Variants in CPNE4 observed in about 807,000 individuals in gnomAD.
CPNE4 encodes copine 4.
CPNE4 carries 25 observed loss-of-function variants against 67.9 expected under a neutral mutation model. The ratio of observed to expected loss-of-function variants is 0.37; its 90% CI spans 0.27 to 0.51. The LOEUF (loss-of-function observed/expected upper bound fraction) is 0.51, where lower values mean the gene tolerates loss of function less well. Ranked by LOEUF, CPNE4 falls within the 20% of genes least tolerant of loss-of-function variation. The pLI is 0.93. For missense variants in CPNE4, 464 were observed against 690.8 expected (o/e 0.67, Z 3.68); for synonymous variants, 242 against 244.9 (o/e 0.99, Z 0.11).
At chr3:131,942,254 A>G (rs1050819684) in intron 1 of CPNE4, among the ~76,000 whole-genome samples, 27 of 151,996 alleles carry the variant, frequency 1.8e-4, no homozygotes, top group South Asian at 2.1e-4. Flanking sequence ...AAAATGTGTA[A>G]TTTATAATTT....
chr3:131,959,431 C>T (rs963648231), intron 1 of CPNE4, among the ~76,000 whole-genome samples: 11 of 152,114 alleles, frequency 7.2e-5, no homozygotes, highest in Non-Finnish European at 1.5e-4. Context: ...GTGTAGAGTA[C>T]AGTTCAAACA....
chr3:131,805,846 G>A (rs111273245), intron 2 of CPNE4, among the ~76,000 whole-genome samples: 1,603 of 152,274 alleles, frequency 0.011, 24 homozygotes, highest in African/African-American at 0.037. Context: ...ATATGCCCAA[G>A]TCCAGGAAAA....
chr3:131,711,147 G>T (rs1216505277), intron 3 of CPNE4, among the ~76,000 whole-genome samples: 1 of 152,174 alleles, frequency 6.6e-6, no homozygotes, highest in Non-Finnish European at 1.5e-5. Context: ...GTGTAAACCG[G>T]ACAGGCAGGG....
chr3:131,542,415 C>T (rs1421034742), intron 15 of CPNE4, 142 bp downstream of exon 15: 3 of 695,002 alleles, frequency 4.3e-6, no homozygotes, highest in Non-Finnish European at 7.7e-6. Flanking sequence ...CAGGTCATCT[C>T]CCACAGCAAG....
intron 7 of CPNE4, among the ~76,000 whole-genome samples, chr3:131,625,580 T>C (rs1285816149): frequency 6.6e-6 from 1 of 152,152 alleles, no homozygotes; most frequent in African/African-American, 2.4e-5. Flanking sequence ...AAAAAAAATC[T>C]CTTCCAAAAA....
At chr3:131,667,117 C>T (rs1204444328) in intron 7 of CPNE4, among the ~76,000 whole-genome samples, 1 of 152,110 alleles carries the variant, frequency 6.6e-6, no homozygotes, top group African/African-American at 2.4e-5. Flanking sequence ...CACAGTGTGA[C>T]TTTCATTGGC....
chr3:131,826,553 G>A (rs2085167196), intron 2 of CPNE4, among the ~76,000 whole-genome samples: 1 of 152,158 alleles, frequency 6.6e-6, no homozygotes, highest in East Asian at 1.9e-4. Flanking sequence ...TTCACAGACA[G>A]CCCAAGTTGT....
intron 1 of CPNE4, among the ~76,000 whole-genome samples, chr3:132,009,605 T>TGTCA (rs1277675892): frequency 6.6e-6 from 1 of 152,128 alleles, no homozygotes; most frequent in African/African-American, 2.4e-5. Context: ...CACTCCAGGA[T>TGTCA]GTCAGTCAGG....
At chr3:131,888,768 G>T (rs545564428) in intron 2 of CPNE4, among the ~76,000 whole-genome samples, 40 of 152,252 alleles carry the variant, frequency 2.6e-4, no homozygotes, top group South Asian at 1.0e-3. Flanking sequence ...TGCAGAGAGT[G>T]GAGGGGATAA....
intron 7 of CPNE4, among the ~76,000 whole-genome samples, chr3:131,601,482 TAGTC>T (rs1469803089): frequency 1.3e-5 from 2 of 152,102 alleles, no homozygotes; most frequent in African/African-American, 4.8e-5. Flanking sequence ...TCACTGCAGA[TAGTC>T]AGGGAAGGCT....
Position 131,769,526 on chromosome 3 carries a change from G to T in CPNE4, c.181-45901C>A, listed in dbSNP as rs541767593. 1.5e-3 allele frequency among the ~76,000 whole-genome samples: 223 copies of T among 152,268 alleles called. 1 individual carries two copies. Among genetic ancestry groups the T allele is most frequent in the African/African-American group, 5.2e-3 (217 of 41,560 alleles). The stretch of plus-strand genomic sequence containing the variant: ...ATGTGAGTTATGTCCAGAAAAAAAT[G>T]ATTACCTGACACTTCAAGCCGCAGT... On this transcript the variant is annotated intron_variant, in intron 2 of 15. Coordinates refer to ENST00000429747, the MANE Select transcript of CPNE4 (RefSeq NM_130808.3).
chr3:131,827,057 A>AC (rs1372217334), intron 2 of CPNE4, among the ~76,000 whole-genome samples: 25 of 152,198 alleles, frequency 1.6e-4, no homozygotes, highest in African/African-American at 4.8e-4. Flanking sequence ...ACAAAACAAA[A>AC]AAAAACAAAA....
chr3:131,840,395 C>A (rs931154082), intron 2 of CPNE4, among the ~76,000 whole-genome samples: 3 of 152,208 alleles, frequency 2.0e-5, no homozygotes, highest in African/African-American at 7.2e-5. Flanking sequence ...CAGTAGGAAA[C>A]AGTCAGCCAA....
intron 3 of CPNE4, among the ~76,000 whole-genome samples, chr3:131,705,229 A>G (rs1483845089): frequency 6.6e-6 from 1 of 152,092 alleles, no homozygotes; most frequent in Non-Finnish European, 1.5e-5. Flanking sequence ...TATCCTTGCT[A>G]CTCACATTGT....
At chr3:131,877,097 C>G (rs914703762) in intron 2 of CPNE4, among the ~76,000 whole-genome samples, 2 of 151,818 alleles carry the variant, frequency 1.3e-5, no homozygotes, top group African/African-American at 4.8e-5. Flanking sequence ...TTTCCATCCT[C>G]TTTTGCATCT....
At chr3:131,742,579 C>T (rs1014208033) in intron 2 of CPNE4, among the ~76,000 whole-genome samples, 1 of 152,092 alleles carries the variant, frequency 6.6e-6, no homozygotes, top group Non-Finnish European at 1.5e-5. Context: ...TGGGAGACTG[C>T]ACTTTTTTCT....
chr3:131,578,981 G>T (rs765565090), intron 9 of CPNE4, among the ~76,000 whole-genome samples: 4 of 152,290 alleles, frequency 2.6e-5, no homozygotes, highest in South Asian at 2.1e-4. Flanking sequence ...TTTGAGGAAG[G>T]TTACTACACT....
intron 2 of CPNE4, among the ~76,000 whole-genome samples, chr3:131,866,020 G>A (rs967288260): frequency 7.2e-5 from 11 of 152,204 alleles, no homozygotes; most frequent in Non-Finnish European, 1.3e-4. Flanking sequence ...CTCCAGGAAG[G>A]TGCATGACTT....
At chr3:131,955,411 T>TTTTTTTTTTTTTTTTTTTTTTG (rs2071923424) in intron 1 of CPNE4, among the ~76,000 whole-genome samples, 1 of 78,814 alleles carries the variant, frequency 1.3e-5, no homozygotes, top group African/African-American at 8.7e-5. Context: ...GTATGTAAGG[T>TTTTTTTTTTTTTTTTTTTTTTG]TTTTTTTTTT....
Sources: gnomAD v4.1 joint callset for allele counts (sites outside exome capture counted in the v4.1 genomes callset) on GRCh38, gnomAD v4.1.1 for gene constraint, MANE v1.5 for transcripts, NCBI Gene and HGNC (gene_info 2026-07-23, HGNC 2026-07-21) for gene names.